The following FAM151A variants were observed in gnomAD, a reference collection of about 807,000 sequenced individuals.
FAM151A encodes the protein family with sequence similarity 151 member A.
In FAM151A, 41 loss-of-function variants were observed where a neutral mutation model predicts 40.4. The observed-to-expected ratio is 1.01, with a 90% CI of 0.79 to 1.32. FAM151A has a LOEUF of 1.32. Among genes scored for constraint, FAM151A ranks in the 40% most tolerant of loss-of-function variants. The probability of loss-of-function intolerance (pLI) is 0.00; values close to 1 mark genes in which losing one functional copy is unlikely to be tolerated. For missense variants in FAM151A, 740 were observed against 740.4 expected (o/e 1.00, Z 0.01); for synonymous variants, 337 against 312.5 (o/e 1.08, Z -0.83).
At chr1:54,620,158 AT>A (rs1421862322) in intron 1 of FAM151A, 151 bp from the exon 2 acceptor site, 1 of 828,266 alleles carries the variant, frequency 1.2e-6, no homozygotes, top group Non-Finnish European at 1.8e-6. Flanking sequence ...TGGTGCTACA[AT>A]AGAGGGAAAT....
intron 4 of FAM151A, among the ~76,000 whole-genome samples, chr1:54,613,548 A>G (rs1189604818): frequency 6.6e-6 from 1 of 152,152 alleles, no homozygotes; most frequent in African/African-American, 2.4e-5. Context: ...TTGGCCTCCC[A>G]AAGTACTGGG....
At chr1:54,616,495 C>G (rs1021210102) in intron 2 of FAM151A, among the ~76,000 whole-genome samples, 1 of 152,064 alleles carries the variant, frequency 6.6e-6, no homozygotes, top group Non-Finnish European at 1.5e-5. Flanking sequence ...GCCTCAGCCT[C>G]CCAAGTAGCT....
At chr1:54,610,018 C>G in intron 7 of FAM151A, 77 bp from the exon 8 acceptor site, 1 of 1,503,572 alleles carries the variant, frequency 6.7e-7, no homozygotes, top group African/African-American at 1.4e-5. Context: ...GTTAAAGGGG[C>G]AGTGGGAGTT....
At chr1:54,618,705 T>C (rs1332561885) in intron 2 of FAM151A, among the ~76,000 whole-genome samples, 1 of 151,682 alleles carries the variant, frequency 6.6e-6, no homozygotes, top group Non-Finnish European at 1.5e-5. Flanking sequence ...GGACATGGAG[T>C]CAATAGCCCT....
intron 2 of FAM151A, among the ~76,000 whole-genome samples, chr1:54,616,757 C>T (rs1183903416): frequency 1.3e-5 from 2 of 152,106 alleles, no homozygotes; most frequent in Non-Finnish European, 2.9e-5. Flanking sequence ...TTTCCACGAT[C>T]TTTTTTTATG....
In FAM151A at chr1:54,616,023, T is replaced by C. The variant is rs1261251855; in HGVS notation, c.412A>G (p.Lys138Glu). 5 of 1,613,518 alleles carry C rather than the reference T, an allele frequency of 3.1e-6. No individual in the cohort carries two copies. The highest frequency in any genetic ancestry group is 3.3e-5 in the Admixed American group (2 of 59,990). The change falls in exon 3 of 8, where the codon AAG becomes GAG. Residue 138 changes from lysine (K) to glutamate (E), a missense_variant. Physicochemically the swap from Lys to Glu is moderately conservative, Grantham distance 56 (BLOSUM62 1). Transcript: ENST00000302250. Reference sequence around the variant, plus strand: ...GGGTTTCCAGAGAGGCCCTTACCCTTTTGGGAAGAGCCCAGCACAGCGTCC... The same window carrying C: ...GGGTTTCCAGAGAGGCCCTTACCCTCTTGGGAAGAGCCCAGCACAGCGTCC... ...WLDAVLGSSQKGIKLDFKNIK... is the reference protein window; with the variant it reads ...WLDAVLGSSQEGIKLDFKNIK...
intron 3 of FAM151A, among the ~76,000 whole-genome samples, chr1:54,615,562 G>C (rs760938550): frequency 1.3e-5 from 2 of 152,084 alleles, no homozygotes; most frequent in Non-Finnish European, 2.9e-5. Context: ...GCTGCGACTA[G>C]ATGGGGGCAG....
In FAM151A at chr1:54,614,711, G is replaced by C; in HGVS notation, c.564C>G (p.Val188=). 6.2e-7 allele frequency: 1 copy of C among 1,613,046 alleles called. No homozygotes were observed. The highest frequency in any genetic ancestry group is 8.5e-7 in the Non-Finnish European group (1 of 1,179,346). The change falls in exon 4 of 8, where the codon GTC becomes GTG. Residue 188 remains valine, a synonymous_variant. Coordinates refer to ENST00000302250, the MANE Select transcript of FAM151A (RefSeq NM_176782.3). The stretch of plus-strand genomic sequence containing the variant: ...AGGCGAACACTCACTGTGTGGCATT[G>C]ACCTCAGTTGAGATGAGCATGTTGG... ...KGPNMLISTE[V]NATQFLALVQ... is the part of the protein sequence containing the mutation.
intron 3 of FAM151A, 109 bp downstream of exon 3, chr1:54,615,911 G>C: frequency 8.7e-7 from 1 of 1,149,876 alleles, no homozygotes; most frequent in Non-Finnish European, 1.3e-6. Context: ...CCAAGGCAAT[G>C]AGCACCTCGT....
intron 2 of FAM151A, 38 bp from the exon 3 acceptor site, chr1:54,616,210 T>C: frequency 6.4e-7 from 1 of 1,555,428 alleles, no homozygotes; most frequent in Non-Finnish European, 8.7e-7. Flanking sequence ...TTCCTTTTTT[T>C]AAAAAAAGAA....
intron 2 of FAM151A, among the ~76,000 whole-genome samples, chr1:54,617,709 A>ATGTTT (rs1644187532): frequency 1.8e-5 from 1 of 55,736 alleles, no homozygotes; most frequent in Non-Finnish European, 3.0e-5. Context: ...AGGGCCTGAG[A>ATGTTT]TTTTTTTTTT....
chr1:54,620,123 G>T (rs1644215458), intron 1 of FAM151A, 116 bp from the exon 2 acceptor site: 2 of 1,073,074 alleles, frequency 1.9e-6, no homozygotes, highest in Non-Finnish European at 1.3e-6. Context: ...CCATCTGGCA[G>T]AGGGACGGTG....
intron 2 of FAM151A, among the ~76,000 whole-genome samples, chr1:54,619,565 A>G (rs116681719): frequency 1.1e-3 from 172 of 152,300 alleles, no homozygotes; most frequent in African/African-American, 4.0e-3. Flanking sequence ...GAGGCTTTGA[A>G]GGTAAAGGCT....
rs1283465078 is a variant in FAM151A, at chr1:54,609,640, C to T, written c.1386G>A (p.Glu462=). The T allele has an allele frequency of 5.6e-6, 9 of 1,613,772 alleles. No individual in the cohort carries two copies. In the South Asian group the frequency reaches 9.9e-5, roughly 18 times the overall value. Residue 462 remains glutamate, a synonymous_variant, in exon 8 of 8, where the codon GAG becomes GAA. Transcript: ENST00000302250. The stretch of plus-strand genomic sequence containing the variant: ...AGACCTCAGCCACAGCTGTAAGCAG[C>T]TCTCTGCCAGCCACATGGCCGGGGA... ...FSVPGHVAGR[E]LLTAVAEVFP... is the part of the protein sequence containing the mutation.
intron 3 of FAM151A, 59 bp from the exon 4 acceptor site, chr1:54,614,918 C>A: frequency 6.4e-7 from 1 of 1,562,022 alleles, no homozygotes. Context: ...ATACATGACT[C>A]CCTGGGCAGA....
At chr1:54,621,750 AG>A (rs1178707725) in intron 1 of FAM151A, 1 of 152,596 alleles carries the variant, frequency 6.6e-6, no homozygotes, top group Non-Finnish European at 1.5e-5. Context: ...CTCAGGACTG[AG>A]GAACACAGGC....
In FAM151A at chr1:54,612,548, T is replaced by A. The variant is rs1380669826; in HGVS notation, c.738A>T (p.Val246=). 1.2e-6 allele frequency: 2 copies of A among 1,614,040 alleles called. No individual in the cohort carries two copies. The highest frequency in any genetic ancestry group is 1.7e-6 in the Non-Finnish European group (2 of 1,180,004). ...GGVPQRVTFP[V]RSSMVRAAWP... Reference sequence around the variant, plus strand: ...AGGCAGCCCGCACCATGGAAGACCGTACAGGGAAGGTGACCCTCTGGGGCA... The same window carrying A: ...AGGCAGCCCGCACCATGGAAGACCGAACAGGGAAGGTGACCCTCTGGGGCA... Residue 246 remains valine (V), a synonymous_variant, in exon 5 of 8, where the codon GTA becomes GTT. Coordinates refer to ENST00000302250, the MANE Select transcript of FAM151A (RefSeq NM_176782.3).
intron 6 of FAM151A, chr1:54,610,990 G>A: frequency 1.0e-6 from 1 of 985,402 alleles, no homozygotes; most frequent in Non-Finnish European, 1.2e-6. Flanking sequence ...AACCAGCAGT[G>A]GAGCTATGCA....
rs146631039 is a variant in FAM151A at position 54,609,363 on chromosome 1, A to G, written c.1663T>C (p.Leu555=). ...GGDYASVRTA[L]LAARAVDRTR... The stretch of plus-strand genomic sequence containing the variant: ...CTGTCCACAGCCCTAGCTGCCAGCA[A>G]TGCTGTCCTCACAGAGGCATAGTCG... The change falls in exon 8 of 8, where the codon TTG becomes CTG. Residue 555 remains leucine, a synonymous_variant. Transcript: ENST00000302250. The G allele has an allele frequency of 7.3e-4, 1,181 of 1,614,134 alleles. No homozygotes were observed. Among genetic ancestry groups the G allele is most frequent in the Non-Finnish European group, 9.1e-4 (1,070 of 1,180,012 alleles).
Sources: gnomAD v4.1 joint callset for allele counts (sites outside exome capture counted in the v4.1 genomes callset) on GRCh38, gnomAD v4.1.1 for gene constraint, MANE v1.5 for transcripts, NCBI Gene and HGNC (gene_info 2026-07-23, HGNC 2026-07-21) for gene names.